THSD7B: variants seen among roughly 807,000 people sequenced by gnomAD.
THSD7B encodes thrombospondin type-1 domain-containing protein 7B.
A neutral mutation model predicts 213.6 loss-of-function variants in THSD7B; 138 were observed. The observed-to-expected ratio is 0.65, with a 90% confidence interval of 0.56 to 0.74. The LOEUF is 0.74. Among genes scored for constraint, THSD7B ranks in the 30% least tolerant of loss-of-function variants. The pLI is 0.00. For missense variants in THSD7B, 1,931 were observed against 1,991.5 expected (o/e 0.97, Z 0.58); for synonymous variants, 742 against 687.0 (o/e 1.08, Z -1.25).
At chr2:137,386,932 C>T (rs995803619) in intron 12 of THSD7B, among the ~76,000 whole-genome samples, 1 of 152,174 alleles carries the variant, frequency 6.6e-6, no homozygotes. Context: ...TACAGATCCT[C>T]GCTTTGTTTC....
chr2:137,064,121 C>A (rs1271684244), intron 3 of THSD7B, among the ~76,000 whole-genome samples: 1 of 151,968 alleles, frequency 6.6e-6, no homozygotes, highest in Non-Finnish European at 1.5e-5. Context: ...GTGTTCCAAC[C>A]AACAGTGTAC....
chr2:137,345,101 A>G (rs1558764851), intron 12 of THSD7B, among the ~76,000 whole-genome samples: 1 of 151,740 alleles, frequency 6.6e-6, no homozygotes, highest in Admixed American at 6.6e-5. Context: ...ATAGTGAGGC[A>G]TAGCATATAA....
intron 2 of THSD7B, among the ~76,000 whole-genome samples, chr2:136,925,005 G>A (rs1177266691): frequency 1.3e-5 from 2 of 152,024 alleles, no homozygotes; most frequent in Non-Finnish European, 2.9e-5. Flanking sequence ...ACTGAATTTT[G>A]CATGTTGATT....
intron 2 of THSD7B, among the ~76,000 whole-genome samples, chr2:136,950,581 G>C (rs1016485864): frequency 6.6e-6 from 1 of 152,072 alleles, no homozygotes; most frequent in African/African-American, 2.4e-5. Flanking sequence ...TTAATATTAC[G>C]ATTAAGCTCA....
chr2:136,896,477 T>G (rs1683962147), intron 2 of THSD7B, among the ~76,000 whole-genome samples: 1 of 152,190 alleles, frequency 6.6e-6, no homozygotes, highest in African/African-American at 2.4e-5. Context: ...TTTGCAAATA[T>G]TTTCTCCCAG....
chr2:137,298,928 C>T (rs1683531490), intron 12 of THSD7B, among the ~76,000 whole-genome samples: 1 of 152,172 alleles, frequency 6.6e-6, no homozygotes, highest in South Asian at 2.1e-4. Flanking sequence ...GGGTTGGAGT[C>T]CCCACACAGA....
At chr2:136,912,348 A>AAAAAGG (rs60594013) in intron 2 of THSD7B, among the ~76,000 whole-genome samples, 1 of 148,764 alleles carries the variant, frequency 6.7e-6, no homozygotes, top group African/African-American at 2.5e-5. Flanking sequence ...AAAAAAAAAA[A>AAAAAGG]GGAGAGAGGA....
At chr2:137,265,353 TAC>T (rs1249116194) in intron 10 of THSD7B, among the ~76,000 whole-genome samples, 1 of 152,212 alleles carries the variant, frequency 6.6e-6, no homozygotes, top group African/African-American at 2.4e-5. Context: ...GGAGCACTTC[TAC>T]ACTGTTGGTG....
At chr2:137,568,124 G>T (rs1216793321) in intron 16 of THSD7B, among the ~76,000 whole-genome samples, 3 of 152,044 alleles carry the variant, frequency 2.0e-5, no homozygotes, top group African/African-American at 7.3e-5. Flanking sequence ...TGGGGAGTTT[G>T]TTGATGATCT....
chr2:137,298,380 C>T (rs550224126), intron 12 of THSD7B, among the ~76,000 whole-genome samples: 1 of 152,052 alleles, frequency 6.6e-6, no homozygotes, highest in Non-Finnish European at 1.5e-5. Context: ...AGAAACAGAG[C>T]ATGAAAGTTC....
chr2:137,272,637 G>A lies in THSD7B; in HGVS notation c.2371G>A (p.Asp791Asn), dbSNP rs1375683866. The A allele has an allele frequency of 6.2e-7, 1 of 1,611,998 alleles. No homozygotes were observed. The highest frequency in any genetic ancestry group is 1.7e-4 in the Middle Eastern group (1 of 6,052). ...CTTATATGAGGAGAGAGAGTGTGAA[G>A]ATGTTTCCTTGTGTCCTGTATATCG... Reference protein sequence around the residue: ...DTLYEERECEDVSLCPVYRWK... With the variant: ...DTLYEERECENVSLCPVYRWK... The change falls in exon 11 of 28, where the codon GAT (aspartate) becomes AAT (asparagine). Residue 791 changes from aspartate to asparagine, a missense_variant. Coordinates refer to ENST00000409968, the MANE Select transcript of THSD7B (RefSeq NM_001316349.2).
chr2:137,451,839 G>A (rs72979679), intron 15 of THSD7B, among the ~76,000 whole-genome samples: 3 of 152,076 alleles, frequency 2.0e-5, no homozygotes, highest in Non-Finnish European at 2.9e-5. Context: ...TTTATTTTTA[G>A]ACAGGTGAAG....
At chr2:137,144,464 T>C (rs1255168620) in intron 5 of THSD7B, among the ~76,000 whole-genome samples, 4 of 152,120 alleles carry the variant, frequency 2.6e-5, no homozygotes, top group Non-Finnish European at 4.4e-5. Flanking sequence ...CAAGTTAAAA[T>C]GGTCAGCTGG....
chr2:137,225,109 A>G (rs1342127706), intron 7 of THSD7B, among the ~76,000 whole-genome samples: 1 of 152,024 alleles, frequency 6.6e-6, no homozygotes, highest in African/African-American at 2.4e-5. Context: ...CATCATTATT[A>G]TATTTTTTGC....
rs1381199863 is a variant in THSD7B, at chr2:137,676,556, C to A, written c.4772C>A (p.Pro1591His). 6.3e-7 allele frequency: 1 copy of A among 1,598,590 alleles called. No homozygotes were observed. The highest frequency in any genetic ancestry group is 1.7e-5 in the Admixed American group (1 of 57,278). ...KKPKPHQSTPPQQKPLTLAYD... is the reference protein window; with the variant it reads ...KKPKPHQSTPHQQKPLTLAYD... The stretch of plus-strand genomic sequence containing the variant: ...CCAAAACCACATCAAAGCACACCTC[C>A]CCAACAGAAGCCTCTGACCTTAGCC... Residue 1591 changes from proline to histidine, a missense_variant, in exon 28 of 28, where the codon CCC becomes CAC. By Grantham distance (77) the Pro-to-His change is moderately conservative. Transcript: ENST00000409968.
chr2:137,501,077 C>T (rs1057217701), intron 15 of THSD7B, among the ~76,000 whole-genome samples: 4 of 152,090 alleles, frequency 2.6e-5, no homozygotes, highest in African/African-American at 7.2e-5. Context: ...TTTAGGATCA[C>T]CCTGAATTGT....
At chr2:137,108,228 A>T (rs1688290932) in intron 4 of THSD7B, among the ~76,000 whole-genome samples, 1 of 152,212 alleles carries the variant, frequency 6.6e-6, no homozygotes, top group Admixed American at 6.5e-5. Flanking sequence ...CTAAGCTTTT[A>T]GAAGAAGGAG....
chr2:137,315,715 A>G (rs572628129), intron 12 of THSD7B, among the ~76,000 whole-genome samples: 114 of 152,264 alleles, frequency 7.5e-4, no homozygotes, highest in Non-Finnish European at 1.2e-3. Context: ...TAGATGGAAT[A>G]TATTTAGGAG....
intron 7 of THSD7B, among the ~76,000 whole-genome samples, chr2:137,176,344 TTTTTC>T (rs1363112620): frequency 2.6e-5 from 4 of 152,200 alleles, no homozygotes; most frequent in Non-Finnish European, 4.4e-5. Context: ...AGTAATCAGA[TTTTTC>T]TTTTTTAAGA....
Sources: gnomAD v4.1 joint callset for allele counts (sites outside exome capture counted in the v4.1 genomes callset) on GRCh38, gnomAD v4.1.1 for gene constraint, MANE v1.5 for transcripts, NCBI Gene and HGNC (gene_info 2026-07-23, HGNC 2026-07-21) for gene names.